The following THSD4 variants were observed in gnomAD, a reference collection of about 807,000 sequenced individuals.
The protein encoded by THSD4 is thrombospondin type-1 domain-containing protein 4.
In THSD4, 69 loss-of-function variants were observed where a neutral mutation model predicts 119.0. That is an observed-to-expected ratio of 0.58 (90% CI 0.48 to 0.71). The LOEUF is 0.71. THSD4 is among the 30% of genes least tolerant of loss of function. The pLI, the probability that THSD4 is intolerant of heterozygous loss-of-function variation, is 0.00. For missense variants in THSD4, 1,393 were observed against 1,391.1 expected (o/e 1.00, Z -0.02); for synonymous variants, 524 against 540.4 (o/e 0.97, Z 0.42).
Position 71,518,371 on chromosome 15 carries a change from C to T in THSD4, c.1152+106548C>T, listed in dbSNP as rs2048391385. On this transcript the variant is annotated intron_variant, in intron 7 of 17. Transcript: ENST00000261862. ...CTCAGGAAAATGATGTGATGATCTG[C>T]TGTCTTTCTCAGACAAAGGGAGGCA... Among the ~76,000 whole-genome samples, 3 of 152,300 alleles carry T rather than the reference C, an allele frequency of 2.0e-5. 1 individual carries two copies. The South Asian group carries it at 6.2e-4, about 32-fold the overall frequency.
At chr15:71,282,232 G>A (rs758634843) in intron 6 of THSD4, among the ~76,000 whole-genome samples, 2 of 152,034 alleles carry the variant, frequency 1.3e-5, no homozygotes, top group East Asian at 1.9e-4. Context: ...GGACTATTGC[G>A]CATTTTCCCA....
In THSD4 at chr15:71,377,895, CACACACACACACACACA is replaced by C; in HGVS notation, c.1016-33791_1016-33775del. Among the ~76,000 whole-genome samples, 2 of 86,144 alleles carry C rather than the reference CACACACACACACACACA, an allele frequency of 2.3e-5. 1 individual carries two copies. Among genetic ancestry groups the C allele is most frequent in the East Asian group, 1.0e-3 (2 of 1,998 alleles). 56.5% of individuals were successfully genotyped at this position (86,144 alleles called of 152,430 possible). On this transcript the variant is annotated intron_variant, in intron 6 of 17. Coordinates refer to ENST00000261862, the MANE Select transcript of THSD4 (RefSeq NM_024817.3). ...ACACACACACACACACACACACACACACACACACACACACACACAATTTCCTTCAGTGACTCTTCTGA... is the reference window on the plus strand; with the variant it reads ...ACACACACACACACACACACACACACCAATTTCCTTCAGTGACTCTTCTGA...
At chr15:71,280,761 C>G (rs1350253845) in intron 6 of THSD4, among the ~76,000 whole-genome samples, 2 of 152,056 alleles carry the variant, frequency 1.3e-5, no homozygotes, top group Non-Finnish European at 2.9e-5. Flanking sequence ...TGTGTCTAAA[C>G]CGAGCCAGGG....
intron 7 of THSD4, among the ~76,000 whole-genome samples, chr15:71,487,728 T>G (rs1331922544): frequency 6.6e-6 from 1 of 152,236 alleles, no homozygotes; most frequent in African/African-American, 2.4e-5. Flanking sequence ...TTTTTCTAAG[T>G]GACTTTAACA....
intron 8 of THSD4, among the ~76,000 whole-genome samples, chr15:71,705,407 G>T (rs1450571523): frequency 6.6e-6 from 1 of 152,204 alleles, no homozygotes; most frequent in Non-Finnish European, 1.5e-5. Flanking sequence ...GACTTCTATT[G>T]TTAATGAAGT....
intron 4 of THSD4, among the ~76,000 whole-genome samples, chr15:71,241,229 G>A (rs1036592351): frequency 6.6e-6 from 1 of 152,216 alleles, no homozygotes; most frequent in African/African-American, 2.4e-5. Flanking sequence ...TTTTAGAGTT[G>A]GAGCGACCTT....
At chr15:71,691,398 A>G (rs1481397332) in intron 8 of THSD4, among the ~76,000 whole-genome samples, 3 of 152,228 alleles carry the variant, frequency 2.0e-5, no homozygotes, top group African/African-American at 7.2e-5. Context: ...CTGCTACTCA[A>G]GGCAGGGACT....
At position 71,771,309 on chromosome 15, in the gene THSD4, C is replaced by A. The variant is rs2053819678; in HGVS notation, c.2914+101C>A. The A allele has an allele frequency of 5.6e-6, 8 of 1,437,154 alleles. No individual in the cohort carries two copies. The South Asian group carries it at 9.3e-5, about 17-fold the overall frequency. 89.0% of individuals were successfully genotyped at this position (1,437,154 alleles called of 1,614,324 possible). A position where few individuals can be genotyped will look rare whatever the true frequency, so the allele number is the denominator to read the frequency against. On this transcript the variant is annotated intron_variant, in intron 17 of 17. Coordinates refer to ENST00000261862, the MANE Select transcript of THSD4 (RefSeq NM_024817.3). ...AAGCCTCTTCTAGGTCTTTCTGTGA[C>A]CTTGCACACAGTCATGGAGTTCAGA...
chr15:71,336,055 A>G (rs761854705), intron 6 of THSD4, among the ~76,000 whole-genome samples: 1 of 152,142 alleles, frequency 6.6e-6, no homozygotes, highest in Non-Finnish European at 1.5e-5. Context: ...GGCCTTTCGC[A>G]TTGCAATCCA....
intron 7 of THSD4, among the ~76,000 whole-genome samples, chr15:71,569,328 G>C (rs974615341): frequency 6.6e-6 from 1 of 152,132 alleles, no homozygotes; most frequent in African/African-American, 2.4e-5. Flanking sequence ...AAGAGAGAGA[G>C]AGAGGGAGGG....
At chr15:71,204,914 G>A (rs188892574) in intron 3 of THSD4, among the ~76,000 whole-genome samples, 2 of 152,208 alleles carry the variant, frequency 1.3e-5, no homozygotes, top group Admixed American at 1.3e-4. Context: ...GAAATTTGAG[G>A]GTAATAAAAT....
In THSD4 at chr15:71,728,593, G is replaced by T. The variant is rs2052911003; in HGVS notation, c.1402G>T (p.Ala468Ser). The T allele has an allele frequency of 6.2e-7, 1 of 1,614,100 alleles. No homozygotes were observed. Among genetic ancestry groups the T allele is most frequent in the Admixed American group, 1.7e-5 (1 of 60,000 alleles). ...SGRSIINGNW[A>S]IDRPGKYEGG... ...ACGCTCCATCATCAATGGGAACTGGGCAATTGATCGACCAGGAAAATACGA... is the reference window on the plus strand; with the variant it reads ...ACGCTCCATCATCAATGGGAACTGGTCAATTGATCGACCAGGAAAATACGA... Residue 468 changes from alanine to serine, a missense_variant, in exon 9 of 18, where the codon GCA (alanine) becomes TCA (serine). Ala to Ser is a moderately conservative substitution (Grantham distance 99). Coordinates refer to ENST00000261862, the MANE Select transcript of THSD4 (RefSeq NM_024817.3).
intron 2 of THSD4, among the ~76,000 whole-genome samples, chr15:71,153,242 C>A (rs1030502020): frequency 5.3e-5 from 8 of 152,162 alleles, no homozygotes; most frequent in Non-Finnish European, 8.8e-5. Context: ...GGGCTGTATG[C>A]AGCACTCCTA....
intron 15 of THSD4, among the ~76,000 whole-genome samples, chr15:71,762,482 A>AT (rs2053643256): frequency 6.6e-6 from 1 of 152,214 alleles, no homozygotes; most frequent in Admixed American, 6.5e-5. Flanking sequence ...GCGACCTGGG[A>AT]AAGTGCAACG....
intron 6 of THSD4, among the ~76,000 whole-genome samples, chr15:71,405,338 G>A (rs1272550321): frequency 6.6e-6 from 1 of 152,150 alleles, no homozygotes; most frequent in Non-Finnish European, 1.5e-5. Flanking sequence ...GAATTGTTGG[G>A]TCATGTGGTA....
At chr15:71,200,850 T>A (rs1048700080) in intron 3 of THSD4, among the ~76,000 whole-genome samples, 1 of 152,186 alleles carries the variant, frequency 6.6e-6, no homozygotes, top group Non-Finnish European at 1.5e-5. Context: ...ATGTGTGAGA[T>A]GCCATATTGG....
At position 71,238,101 on chromosome 15, in the gene THSD4, G is replaced by C. The variant is rs8043316; in HGVS notation, c.465-4548G>C. ...GTGTTCCATGTACTTACGTTGTCAG[G>C]GCTGGAAATGTGAACAAGTGGAAAA... On this transcript the variant is annotated intron_variant, in intron 4 of 17. Transcript: ENST00000261862. Among the ~76,000 whole-genome samples the C allele has an allele frequency of 9.2e-3, 1,402 of 152,072 alleles. 24 individuals carry two copies. Among genetic ancestry groups the C allele is most frequent in the African/African-American group, 0.032 (1,341 of 41,464 alleles).
At chr15:71,512,347 C>A (rs917576467) in intron 7 of THSD4, among the ~76,000 whole-genome samples, 2 of 152,148 alleles carry the variant, frequency 1.3e-5, no homozygotes, top group African/African-American at 4.8e-5. Context: ...TGGTTGACTC[C>A]CACTGAGATT....
intron 7 of THSD4, among the ~76,000 whole-genome samples, chr15:71,464,165 C>T (rs563660313): frequency 3.9e-5 from 6 of 152,182 alleles, no homozygotes; most frequent in Non-Finnish European, 8.8e-5. Context: ...TTTAGACAGT[C>T]CACTCTGGCT....
Sources: gnomAD v4.1 joint callset for allele counts (sites outside exome capture counted in the v4.1 genomes callset) on GRCh38, gnomAD v4.1.1 for gene constraint, MANE v1.5 for transcripts, NCBI Gene and HGNC (gene_info 2026-07-23, HGNC 2026-07-21) for gene names.